Variants in DPP10 observed in about 807,000 individuals in gnomAD.
The protein encoded by DPP10 is dipeptidyl peptidase like 10, also known as inactive dipeptidyl peptidase 10.
DPP10 carries 33 observed loss-of-function variants against 120.9 expected under a neutral mutation model. That is an observed-to-expected ratio of 0.27 (90% CI 0.21 to 0.37). The LOEUF (loss-of-function observed/expected upper bound fraction) is 0.37. Among genes scored for constraint, DPP10 ranks in the 10% least tolerant of loss-of-function variants. The pLI, the probability that DPP10 is intolerant of heterozygous loss-of-function variation, is 1.00. For missense variants in DPP10, 816 were observed against 942.8 expected (o/e 0.87, Z 1.76); for synonymous variants, 337 against 326.1 (o/e 1.03, Z -0.36).
At chr2:114,463,618 C>T (rs1679111068) in intron 1 of DPP10, among the ~76,000 whole-genome samples, 2 of 152,170 alleles carry the variant, frequency 1.3e-5, no homozygotes, top group African/African-American at 4.8e-5. Context: ...TCGAAGTGTG[C>T]ATTTCATCCC....
At chr2:114,583,467 A>G (rs1356464242) in intron 1 of DPP10, among the ~76,000 whole-genome samples, 1 of 152,226 alleles carries the variant, frequency 6.6e-6, no homozygotes, top group Non-Finnish European at 1.5e-5. Context: ...ATTTCTCCCT[A>G]GGATTATACT....
chr2:114,972,779 A>G (rs942835482), intron 1 of DPP10, among the ~76,000 whole-genome samples: 1 of 152,208 alleles, frequency 6.6e-6, no homozygotes, highest in Non-Finnish European at 1.5e-5. Context: ...TCACATGTCA[A>G]TAGTTAATAG....
chr2:115,304,418 C>G (rs2061275832), intron 1 of DPP10, among the ~76,000 whole-genome samples: 1 of 152,050 alleles, frequency 6.6e-6, no homozygotes, highest in African/African-American at 2.4e-5. Flanking sequence ...TACATCTTTT[C>G]ACACGGAAAT....
chr2:114,460,213 CTATCT>C (rs1178494800), intron 1 of DPP10, among the ~76,000 whole-genome samples: 3 of 129,648 alleles, frequency 2.3e-5, no homozygotes, highest in South Asian at 2.5e-4. Flanking sequence ...ATCTATCTAT[CTATCT>C]ATCTATTCTA....
chr2:115,725,389 C>A (rs937953439), intron 7 of DPP10, among the ~76,000 whole-genome samples: 9 of 152,144 alleles, frequency 5.9e-5, no homozygotes, highest in Admixed American at 1.3e-4. Context: ...TTCATGAAGA[C>A]AGCTACTTAT....
intron 1 of DPP10, among the ~76,000 whole-genome samples, chr2:114,814,546 A>G (rs1221929315): frequency 6.6e-6 from 1 of 152,164 alleles, no homozygotes; most frequent in Non-Finnish European, 1.5e-5. Context: ...AAATATTACC[A>G]TGTCAGCATA....
chr2:115,759,827 A>G (rs912582240), intron 11 of DPP10, among the ~76,000 whole-genome samples: 3 of 152,098 alleles, frequency 2.0e-5, no homozygotes, highest in African/African-American at 7.2e-5. Flanking sequence ...CCTGACTAAC[A>G]TGGAGAAACC....
intron 1 of DPP10, among the ~76,000 whole-genome samples, chr2:115,150,704 C>T (rs1051316813): frequency 1.3e-5 from 2 of 152,134 alleles, no homozygotes; most frequent in Non-Finnish European, 2.9e-5. Flanking sequence ...CTGGAATGTT[C>T]GCAGTGGCTC....
At chr2:114,905,314 G>GCAA (rs1693877720) in intron 1 of DPP10, among the ~76,000 whole-genome samples, 1 of 151,970 alleles carries the variant, frequency 6.6e-6, no homozygotes, top group African/African-American at 2.4e-5. Flanking sequence ...TGATCTGTTA[G>GCAA]TATAAGTTGC....
chr2:115,228,027 A>G (rs12468265), intron 1 of DPP10, among the ~76,000 whole-genome samples: 63,661 of 151,044 alleles, frequency 0.42, 14,550 homozygotes, highest in Non-Finnish European at 0.52. Context: ...GACTCAACCA[A>G]TTCTCCTGCT....
intron 1 of DPP10, among the ~76,000 whole-genome samples, chr2:114,748,085 AT>A (rs1678753831): frequency 6.6e-6 from 1 of 152,074 alleles, no homozygotes; most frequent in Non-Finnish European, 1.5e-5. Flanking sequence ...TTTATCTGTC[AT>A]TTTTATTTTA....
chr2:115,545,124 A>G (rs1176652625), intron 5 of DPP10, among the ~76,000 whole-genome samples: 1 of 152,052 alleles, frequency 6.6e-6, no homozygotes, highest in Non-Finnish European at 1.5e-5. Flanking sequence ...TATGTTTCCA[A>G]ATGCTCAATA....
chr2:115,189,334 A>C (rs2054696795), intron 1 of DPP10, among the ~76,000 whole-genome samples: 1 of 152,114 alleles, frequency 6.6e-6, no homozygotes, highest in Non-Finnish European at 1.5e-5. Context: ...GGATGGTTAC[A>C]GAACAGGTGA....
intron 1 of DPP10, among the ~76,000 whole-genome samples, chr2:114,720,824 T>C (rs1056933836): frequency 6.6e-6 from 1 of 152,210 alleles, no homozygotes; most frequent in East Asian, 1.9e-4. Flanking sequence ...CATGTCATTT[T>C]TGAGCTGCAG....
intron 3 of DPP10, among the ~76,000 whole-genome samples, chr2:115,369,928 A>G (rs1003346480): frequency 8.5e-5 from 13 of 152,170 alleles, no homozygotes; most frequent in Admixed American, 5.2e-4. Flanking sequence ...ATGCACAGAG[A>G]GCTGCACGTG....
chr2:114,734,290 A>G (rs912035659), intron 1 of DPP10, among the ~76,000 whole-genome samples: 7 of 152,096 alleles, frequency 4.6e-5, no homozygotes, highest in Admixed American at 6.6e-5. Flanking sequence ...ATATTTTGCA[A>G]CCTGCTCTCT....
intron 5 of DPP10, among the ~76,000 whole-genome samples, chr2:115,572,106 T>C (rs2149093221): frequency 6.6e-6 from 1 of 152,246 alleles, no homozygotes; most frequent in South Asian, 2.1e-4. Flanking sequence ...ACACCACACC[T>C]GGGTTGCCAT....
chr2:115,675,624 C>T (rs1201467365), intron 5 of DPP10, among the ~76,000 whole-genome samples: 1 of 152,166 alleles, frequency 6.6e-6, no homozygotes, highest in African/African-American at 2.4e-5. Flanking sequence ...GTGGGGAATG[C>T]CCCAAAGCCC....
At chr2:114,740,413 C>T (rs11123251) in intron 1 of DPP10, among the ~76,000 whole-genome samples, 8,079 of 145,168 alleles carry the variant, frequency 0.056, 385 homozygotes, top group East Asian at 0.26. Context: ...TGCTAAATGA[C>T]GAGTTAATGG....
Sources: allele counts gnomAD v4.1 joint callset (sites outside exome capture counted in the v4.1 genomes callset), GRCh38; gene constraint gnomAD v4.1.1; transcripts MANE v1.5; gene names NCBI Gene and HGNC (gene_info 2026-07-23, HGNC 2026-07-21).